The following PLCB2 variants were observed in gnomAD, a reference collection of about 807,000 sequenced individuals.
The protein encoded by PLCB2 is 1-phosphatidylinositol 4,5-bisphosphate phosphodiesterase beta-2.
Under a neutral mutation model 141.7 loss-of-function variants are expected in PLCB2, and 115 were observed. The observed-to-expected ratio is 0.81, with a 90% confidence interval of 0.70 to 0.95. The LOEUF is 0.95. Among genes scored for constraint, PLCB2 ranks in the 40% least tolerant of loss-of-function variants. PLCB2 has a pLI of 0.00. For synonymous variants in PLCB2, 603 were observed against 595.6 expected (o/e 1.01, Z -0.18); for missense variants, 1,403 against 1,541.1 (o/e 0.91, Z 1.50).
intron 3 of PLCB2, 47 bp downstream of exon 3, chr15:40,303,241 G>A (rs1368799431): frequency 1.5e-6 from 2 of 1,378,678 alleles, no homozygotes; most frequent in East Asian, 2.3e-5. Flanking sequence ...TTGCCCCATG[G>A]AGCTAGTAGC....
At chr15:40,284,482 G>C (rs1005310928), downstream of PLCB2, 1 of 455,972 alleles carries the variant, frequency 2.2e-6, no homozygotes, top group South Asian at 1.5e-5. Flanking sequence ...GGGCAGGAGA[G>C]GGCTCTCGGG....
chr15:40,297,773 G>A lies in PLCB2; in HGVS notation c.1238+104C>T. The A allele has an allele frequency of 1.0e-6, 1 of 1,003,052 alleles. No homozygotes were observed. The highest frequency in any genetic ancestry group is 2.4e-5 in the East Asian group (1 of 41,716). 62.1% of individuals were successfully genotyped at this position (1,003,052 alleles called of 1,614,324 possible). A position where few individuals can be genotyped will look rare whatever the true frequency, so the allele number is the denominator to read the frequency against. On this transcript the variant is annotated intron_variant, in intron 12 of 31. Coordinates refer to ENST00000260402, the MANE Select transcript of PLCB2 (RefSeq NM_004573.3). The surrounding 1 kb of genome is among the most constrained non-coding windows in gnomAD (Gnocchi z 4.2). ...GTGATTATACTGAGACGTGGGAGAA[G>A]CTGTAGGCAATGGTTAGAGGCTGGG...
rs368536291 is a variant in PLCB2, at chr15:40,307,613, C to A, written c.60G>T (p.Gly20=). The change falls in exon 1 of 32, where the codon GGG becomes GGT. Residue 20 remains glycine, a synonymous_variant. Transcript: ENST00000260402. The stretch of plus-strand genomic sequence containing the variant: ...CATCATCCCATTTGATGAAGCGCTC[C>A]CCTTGGCTCAGATAGGCCTTCACCT... ...PPKVKAYLSQ[G]ERFIKWDDET... The A allele has an allele frequency of 2.5e-6, 4 of 1,588,322 alleles. No individual in the cohort carries two copies. In the African/African-American group the frequency reaches 5.4e-5, roughly 21 times the overall value.
chr15:40,299,984 A>G (rs763011964), intron 7 of PLCB2, among the ~76,000 whole-genome samples: 8 of 152,230 alleles, frequency 5.3e-5, no homozygotes, highest in African/African-American at 9.6e-5. Context: ...ACAATGAGAT[A>G]CCACTCCCAC....
In PLCB2 at chr15:40,292,141, C is replaced by T. The variant is rs2039972664; in HGVS notation, c.2449G>A (p.Ala817Thr). The change falls in exon 23 of 32, where the codon GCC becomes ACC. Residue 817 changes from alanine (A) to threonine (T), a missense_variant. Physicochemically the swap from Ala to Thr is moderately conservative, Grantham distance 58. Coordinates refer to ENST00000260402, the MANE Select transcript of PLCB2 (RefSeq NM_004573.3). ...GAWADLTVAL[A>T]NPIKFFSAHD... is the part of the protein sequence containing the mutation. Reference sequence around the variant, plus strand: ...GCACTGAAGAACTTAATGGGGTTGGCGAGGGCCACAGTGAGATCTGGGTGG... The same window carrying T: ...GCACTGAAGAACTTAATGGGGTTGGTGAGGGCCACAGTGAGATCTGGGTGG... 1.9e-6 allele frequency: 3 copies of T among 1,613,926 alleles called. No homozygotes were observed. Among genetic ancestry groups the T allele is most frequent in the African/African-American group, 1.3e-5 (1 of 74,896 alleles).
At chr15:40,286,235 CCTCCCCTCCT>C (rs2039608900), downstream of PLCB2, among the ~76,000 whole-genome samples, 3 of 152,036 alleles carry the variant, frequency 2.0e-5, no homozygotes, top group South Asian at 6.2e-4. Context: ...GTCATACTCA[CCTCCCCTCCT>C]CTCCCCTCCT....
At position 40,298,617 on chromosome 15, in the gene PLCB2, C is replaced by T; in HGVS notation, c.942G>A (p.Met314Ile). 6.2e-7 allele frequency: 1 copy of T among 1,614,246 alleles called. No individual in the cohort carries two copies. The highest frequency in any genetic ancestry group is 8.5e-7 in the Non-Finnish European group (1 of 1,180,044). Reference protein sequence around the residue: ...AQDKLLLHHDMTQPLNHYFIN... With the variant: ...AQDKLLLHHDITQPLNHYFIN... Reference sequence around the variant, plus strand: ...TGAAGTAATGATTGAGTGGCTGCGTCATGTCGTGGTGGAGCAGCAGCTTGT... The same window carrying T: ...TGAAGTAATGATTGAGTGGCTGCGTTATGTCGTGGTGGAGCAGCAGCTTGT... The change falls in exon 10 of 32, where the codon ATG becomes ATA. Residue 314 changes from methionine (M) to isoleucine (I), a missense_variant. Met to Ile is a conservative substitution (Grantham distance 10). Around this residue, in one of 4 missense-constraint regions of PLCB2, gnomAD observed 975 missense variants for 1,141.1 expected, o/e 0.85. Coordinates refer to ENST00000260402, the MANE Select transcript of PLCB2 (RefSeq NM_004573.3).
rs1474794965 is a variant in PLCB2 at position 40,307,810 on chromosome 15, C to G, written c.-138G>C. 1 of 630,796 alleles carries G rather than the reference C, an allele frequency of 1.6e-6. No individual in the cohort carries two copies. The highest frequency in any genetic ancestry group is 1.9e-5 in the African/African-American group (1 of 53,374). The allele number at this position is 630,796 out of a possible 1,614,324, so 39.1% of individuals were successfully genotyped here. A position where few individuals can be genotyped will look rare whatever the true frequency, so the allele number is the denominator to read the frequency against. On this transcript the variant is annotated 5_prime_UTR_variant, in exon 1 of 32. Transcript: ENST00000260402. ...GAGCTGCTCCAGAAATCTAGTTGCTCTTATAGCCCCTGGGGTGGCCCTGGC... is the reference window on the plus strand; with the variant it reads ...GAGCTGCTCCAGAAATCTAGTTGCTGTTATAGCCCCTGGGGTGGCCCTGGC...
Position 40,288,868 on chromosome 15 carries a change from C to T in PLCB2, c.3405G>A (p.Glu1135=). The change falls in exon 32 of 32, where the codon GAG becomes GAA. Residue 1135 remains glutamate (E), a synonymous_variant. Transcript: ENST00000260402. ...AEYEARMKGL[E]AEVKESVRAC... Reference sequence around the variant, plus strand: ...CCCTCACCGACTCCTTCACCTCTGCCTCCAGACCCTTCATCCTGGCCTCGT... The same window carrying T: ...CCCTCACCGACTCCTTCACCTCTGCTTCCAGACCCTTCATCCTGGCCTCGT... 6.2e-7 allele frequency: 1 copy of T among 1,614,058 alleles called. No homozygotes were observed. The highest frequency in any genetic ancestry group is 1.3e-5 in the African/African-American group (1 of 75,060).
At chr15:40,299,370 C>T (rs755398645) in intron 7 of PLCB2, 142 bp from the exon 8 acceptor site, 16 of 610,600 alleles carry the variant, frequency 2.6e-5, no homozygotes, top group Non-Finnish European at 4.4e-5. Flanking sequence ...ACCCAAGCAT[C>T]CACTTCTCAA....
rs375867842 is a variant in PLCB2 at position 40,293,050 on chromosome 15, G to A, written c.2227-25C>T. The stretch of plus-strand genomic sequence containing the variant: ...TCTGGGGAGAGTTGGGGACATGACA[G>A]GCTGGGAGGGGAGAGAGGAGCCAAG... On this transcript the variant is annotated intron_variant, in intron 20 of 31. Transcript: ENST00000260402. 7 of 1,468,368 alleles carry A rather than the reference G, an allele frequency of 4.8e-6. No homozygotes were observed. The African/African-American group carries it at 9.8e-5, about 21-fold the overall frequency. The allele number at this position is 1,468,368 out of a possible 1,614,324, so 91.0% of individuals were successfully genotyped here.
rs773656130 is a variant in PLCB2 at position 40,290,607 on chromosome 15, T to C, written c.3179A>G (p.Lys1060Arg). ...KRLERIQGMT[K>R]VTTDKMAQER... ...CTGGGCCATCTTGTCTGTGGTGACT[T>C]TGGTCATGCCCTGGATCCGCTCCAG... Residue 1060 changes from lysine (K) to arginine (R), a missense_variant, in exon 29 of 32, where the codon AAA becomes AGA. Physicochemically the swap from Lys to Arg is conservative, Grantham distance 26. Coordinates refer to ENST00000260402, the MANE Select transcript of PLCB2 (RefSeq NM_004573.3). 17 of 1,614,014 alleles carry C rather than the reference T, an allele frequency of 1.1e-5. No homozygotes were observed. The highest frequency in any genetic ancestry group is 1.4e-5 in the Non-Finnish European group (17 of 1,179,888).
At chr15:40,304,146 GGTTTC>G in intron 1 of PLCB2, 68 bp from the exon 2 acceptor site, 8 of 1,077,246 alleles carry the variant, frequency 7.4e-6, no homozygotes, top group South Asian at 1.3e-5. Context: ...CCAGGCCAGG[GGTTTC>G]AGAGCTCATT....
chr15:40,287,815 T>C (rs1057368729), downstream of PLCB2: 1 of 511,196 alleles, frequency 2.0e-6, no homozygotes, highest in African/African-American at 2.1e-5. Context: ...TCCCAAGAGA[T>C]TTTTTTTTCC....
chr15:40,293,516 C>A, intron 20 of PLCB2, 44 bp downstream of exon 20: 1 of 1,584,044 alleles, frequency 6.3e-7, no homozygotes, highest in Admixed American at 1.7e-5. Context: ...TAAGTAGAGG[C>A]CAAGAACTAG....
At chr15:40,295,476 G>A (rs1377734820) in intron 16 of PLCB2, among the ~76,000 whole-genome samples, 191 bp from the exon 17 acceptor site, 1 of 152,068 alleles carries the variant, frequency 6.6e-6, no homozygotes, top group Non-Finnish European at 1.5e-5. Flanking sequence ...GGGGTGAGGG[G>A]TGTTCTCAGT....
rs768460202 is a variant in PLCB2 at position 40,301,740 on chromosome 15, GA to G, written c.582+216del. ...CCCACCACCCAGGGTAGGGGATACA[GA>G]CAAACCTGCTTGGAGCTCAGGGTCT... On this transcript the variant is annotated intron_variant, in intron 7 of 31. Coordinates refer to ENST00000260402, the MANE Select transcript of PLCB2 (RefSeq NM_004573.3). The G allele has an allele frequency of 3.1e-4, 220 of 703,070 alleles. 1 individual carries two copies. Among genetic ancestry groups the G allele is most frequent in the Non-Finnish European group, 5.4e-4 (205 of 379,470 alleles). The allele number at this position is 703,070 out of a possible 1,614,324, so 43.6% of individuals were successfully genotyped here.
intron 15 of PLCB2, 30 bp downstream of exon 15, chr15:40,296,492 A>T: frequency 6.2e-7 from 1 of 1,613,854 alleles, no homozygotes; most frequent in Non-Finnish European, 8.5e-7. Context: ...GGAGGATGAC[A>T]CAGAGGGGCC....
chr15:40,307,780 T>A lies in PLCB2; in HGVS notation c.-108A>T. On this transcript the variant is annotated 5_prime_UTR_variant, in exon 1 of 32. An upstream start codon of the reference 5' UTR is lost. Coordinates refer to ENST00000260402, the MANE Select transcript of PLCB2 (RefSeq NM_004573.3). ...CCAAGCTGGGCTCAAATGGCACCCA[T>A]CCCCGAGCTGCTCCAGAAATCTAGT... 1 of 839,278 alleles carries A rather than the reference T, an allele frequency of 1.2e-6. No individual in the cohort carries two copies. Among genetic ancestry groups the A allele is most frequent in the Admixed American group, 3.0e-5 (1 of 33,564 alleles). 52.0% of individuals were successfully genotyped at this position (839,278 alleles called of 1,614,324 possible).
Sources: gnomAD v4.1 joint callset for allele counts (sites outside exome capture counted in the v4.1 genomes callset) on GRCh38, gnomAD v4.1.1 for gene constraint, gnomAD v4.1.1 regional missense constraint, Gnocchi (gnomAD v3.1) non-coding constraint, MANE v1.5 for transcripts, NCBI Gene and HGNC (gene_info 2026-07-23, HGNC 2026-07-21) for gene names.